The following CRYL1 variants were observed in gnomAD, a reference collection of about 807,000 sequenced individuals.
The protein encoded by CRYL1 is lambda-crystallin homolog.
Under a neutral mutation model 36.6 loss-of-function variants are expected in CRYL1, and 29 were observed. The observed-to-expected ratio is 0.79, with a 90% CI of 0.59 to 1.08. CRYL1 has a LOEUF of 1.08. Ranked by LOEUF, CRYL1 falls within the 50% of genes least tolerant of loss-of-function variation. The probability of loss-of-function intolerance (pLI) is 0.00; values close to 1 mark genes in which losing one functional copy is unlikely to be tolerated. For synonymous variants in CRYL1, 152 were observed against 151.5 expected, an observed-to-expected ratio of 1.00 and a Z score of -0.02; for missense variants, 411 against 407.9, an observed-to-expected ratio of 1.01 and a Z score of -0.06.
At chr13:20,489,120 G>A (rs1046167421) in intron 3 of CRYL1, among the ~76,000 whole-genome samples, 6 of 152,168 alleles carry the variant, frequency 3.9e-5, no homozygotes, top group Non-Finnish European at 8.8e-5. Context: ...ATTGTCACCA[G>A]AATCCCTAGT....
At chr13:20,496,826 C>T (rs1381603084) in intron 2 of CRYL1, among the ~76,000 whole-genome samples, 2 of 115,968 alleles carry the variant, frequency 1.7e-5, no homozygotes, top group African/African-American at 6.7e-5. Flanking sequence ...GCCCGGGCAC[C>T]AGAGCAAGAC....
At chr13:20,413,442 AC>A in intron 5 of CRYL1, 55 bp from the exon 6 acceptor site, 2 of 1,099,238 alleles carry the variant, frequency 1.8e-6, no homozygotes, top group Non-Finnish European at 2.8e-6. Context: ...CAATTTCATG[AC>A]CACCACTTCC....
At chr13:20,498,213 C>T (rs1302961070) in intron 2 of CRYL1, among the ~76,000 whole-genome samples, 1 of 151,270 alleles carries the variant, frequency 6.6e-6, no homozygotes, top group East Asian at 1.9e-4. Flanking sequence ...ACACACTACA[C>T]ATACCCCATA....
rs886964507 is a variant in CRYL1 at position 20,419,844 on chromosome 13, C to G, written c.634-6457G>C. ...ATGTTTTCGTTTTCTATACTCTTCA[C>G]CACATGTTGCTTCCCCCACATGCAA... On this transcript the variant is annotated intron_variant, in intron 5 of 7. Transcript: ENST00000298248. Among the ~76,000 whole-genome samples, 4 of 152,218 alleles carry G rather than the reference C, an allele frequency of 2.6e-5. No homozygotes were observed. The East Asian group carries it at 7.7e-4, about 29-fold the overall frequency.
intron 2 of CRYL1, among the ~76,000 whole-genome samples, chr13:20,500,616 G>C (rs1187671317): frequency 2.6e-5 from 4 of 152,208 alleles, no homozygotes; most frequent in Admixed American, 1.3e-4. Context: ...GAAAGTGGTA[G>C]ACTGGAGAAA....
At chr13:20,522,953 T>C (rs2034123843) in intron 1 of CRYL1, among the ~76,000 whole-genome samples, 1 of 117,666 alleles carries the variant, frequency 8.5e-6, no homozygotes, top group South Asian at 3.0e-4. Context: ...AGTCTCACTC[T>C]ATCCCCCAGC....
chr13:20,468,687 C>A (rs2032992333), intron 3 of CRYL1, among the ~76,000 whole-genome samples: 1 of 152,078 alleles, frequency 6.6e-6, no homozygotes, highest in African/African-American at 2.4e-5. Flanking sequence ...CTCACTGCAA[C>A]CTCTGCCTCC....
At chr13:20,426,211 AG>A (rs1485975914) in intron 5 of CRYL1, among the ~76,000 whole-genome samples, 4 of 151,760 alleles carry the variant, frequency 2.6e-5, no homozygotes, top group Non-Finnish European at 5.9e-5. Context: ...TCCTCTGTGC[AG>A]TTACAACCTA....
At chr13:20,512,360 T>C (rs1593500136) in intron 2 of CRYL1, 83 bp downstream of exon 2, 9 of 962,326 alleles carry the variant, frequency 9.4e-6, no homozygotes, top group East Asian at 5.2e-5. Context: ...CAGATCCTCA[T>C]AGCCTTGAGG....
intron 3 of CRYL1, among the ~76,000 whole-genome samples, chr13:20,471,220 A>G (rs1418960797): frequency 2.0e-5 from 3 of 152,172 alleles, no homozygotes; most frequent in Non-Finnish European, 2.9e-5. Flanking sequence ...GAACACTTAC[A>G]TTAAGTAACT....
At chr13:20,428,283 C>T (rs1399205430) in intron 5 of CRYL1, among the ~76,000 whole-genome samples, 1 of 152,142 alleles carries the variant, frequency 6.6e-6, no homozygotes. Context: ...TGGAGCGTTC[C>T]AGATCTCAGA....
At chr13:20,460,276 G>C (rs1006411082) in intron 3 of CRYL1, among the ~76,000 whole-genome samples, 1 of 152,110 alleles carries the variant, frequency 6.6e-6, no homozygotes, top group East Asian at 1.9e-4. Flanking sequence ...TATATACATA[G>C]ATATAAATGC....
intron 2 of CRYL1, among the ~76,000 whole-genome samples, chr13:20,510,569 A>G (rs943520195): frequency 1.3e-4 from 20 of 151,198 alleles, no homozygotes; most frequent in Admixed American, 6.6e-5. Flanking sequence ...ACATGTCAGT[A>G]TACATTTCTC....
At chr13:20,508,590 T>C (rs1175040713) in intron 2 of CRYL1, among the ~76,000 whole-genome samples, 1 of 152,108 alleles carries the variant, frequency 6.6e-6, no homozygotes, top group African/African-American at 2.4e-5. Context: ...CTCACGCCTG[T>C]AATCCCAGCA....
chr13:20,475,791 C>G (rs573538123), intron 3 of CRYL1, among the ~76,000 whole-genome samples: 16 of 152,312 alleles, frequency 1.1e-4, no homozygotes, highest in South Asian at 4.1e-4. Flanking sequence ...TCCCACCCAC[C>G]ACCTACCAAC....
intron 3 of CRYL1, among the ~76,000 whole-genome samples, chr13:20,478,816 G>A (rs1260051457): frequency 2.0e-5 from 3 of 151,886 alleles, no homozygotes; most frequent in African/African-American, 7.3e-5. Context: ...GCAGTGGCGC[G>A]ATCTTGGCTT....
intron 2 of CRYL1, 41 bp from the exon 3 acceptor site, chr13:20,489,537 C>G: frequency 6.2e-7 from 1 of 1,606,420 alleles, no homozygotes; most frequent in South Asian, 1.1e-5. Context: ...GTATTCAACA[C>G]CACATTTAAA....
chr13:20,448,877 TAAAG>T (rs1322364148), intron 3 of CRYL1, among the ~76,000 whole-genome samples: 3 of 152,164 alleles, frequency 2.0e-5, no homozygotes, highest in Non-Finnish European at 4.4e-5. Context: ...CACAAAGAAA[TAAAG>T]AATACACTGG....
At chr13:20,496,725 G>A (rs543482783) in intron 2 of CRYL1, among the ~76,000 whole-genome samples, 3 of 151,758 alleles carry the variant, frequency 2.0e-5, no homozygotes, top group Non-Finnish European at 2.9e-5. Flanking sequence ...AGACCAGCCT[G>A]GGCAACATGG....
Sources: gnomAD v4.1 joint callset for allele counts (sites outside exome capture counted in the v4.1 genomes callset) on GRCh38, gnomAD v4.1.1 for gene constraint, MANE v1.5 for transcripts, NCBI Gene and HGNC (gene_info 2026-07-23, HGNC 2026-07-21) for gene names.